The following TAOK1 variants were observed in gnomAD, a reference collection of about 807,000 sequenced individuals.
TAOK1 encodes TAO kinase 1, also known as serine/threonine-protein kinase TAO1.
In TAOK1, 21 loss-of-function variants were observed where a neutral mutation model predicts 138.3. The observed-to-expected ratio is 0.15, with a 90% CI of 0.11 to 0.22. The LOEUF (loss-of-function observed/expected upper bound fraction) is 0.22. TAOK1 is among the 10% of genes least tolerant of loss of function. TAOK1 has a pLI of 1.00. For missense variants in TAOK1, 651 were observed against 1,227.7 expected (o/e 0.53, Z 7.02); for synonymous variants, 361 against 398.4 (o/e 0.91, Z 1.12).
At chr17:29,539,655 C>T (rs2032282297) in intron 19 of TAOK1, among the ~76,000 whole-genome samples, 1 of 152,086 alleles carries the variant, frequency 6.6e-6, no homozygotes, top group African/African-American at 2.4e-5. Context: ...AGGCTGGTCT[C>T]GAACTCCCGA....
At chr17:29,493,820 C>T (rs1357720123) in intron 10 of TAOK1, among the ~76,000 whole-genome samples, 4 of 152,110 alleles carry the variant, frequency 2.6e-5, no homozygotes, top group Admixed American at 2.6e-4. Flanking sequence ...TTAGAAATAG[C>T]TGCCCCAAAT....
intron 3 of TAOK1, among the ~76,000 whole-genome samples, chr17:29,472,256 GT>G (rs36070425): frequency 1.9e-4 from 27 of 142,808 alleles, no homozygotes; most frequent in Non-Finnish European, 2.1e-4. Flanking sequence ...GCCGTTGTGT[GT>G]TTTTTTTTTT....
At chr17:29,533,594 C>T (rs1390182306) in intron 18 of TAOK1, among the ~76,000 whole-genome samples, 2 of 152,004 alleles carry the variant, frequency 1.3e-5, no homozygotes, top group Non-Finnish European at 2.9e-5. Flanking sequence ...ATCCTGGCAC[C>T]TCGGGAGGCG....
intron 1 of TAOK1, among the ~76,000 whole-genome samples, chr17:29,416,518 T>C (rs917872336): frequency 2.0e-5 from 3 of 151,970 alleles, no homozygotes; most frequent in African/African-American, 4.8e-5. Flanking sequence ...ATTGGAAATG[T>C]ATACAACAAA....
At chr17:29,400,404 A>C (rs1343464651) in intron 1 of TAOK1, among the ~76,000 whole-genome samples, 2 of 151,756 alleles carry the variant, frequency 1.3e-5, no homozygotes, top group South Asian at 2.1e-4. Flanking sequence ...AAAAAAAAAA[A>C]AAAACAACAA....
intron 2 of TAOK1, among the ~76,000 whole-genome samples, chr17:29,457,402 C>CT (rs769026325): frequency 0.052 from 3,994 of 76,594 alleles, 267 homozygotes; most frequent in African/African-American, 0.11. Flanking sequence ...CACCCCAGGC[C>CT]TTTTTTTTTT....
At chr17:29,405,734 G>A (rs917136581) in intron 1 of TAOK1, among the ~76,000 whole-genome samples, 2 of 151,958 alleles carry the variant, frequency 1.3e-5, no homozygotes, top group Non-Finnish European at 2.9e-5. Context: ...AGCCGACATC[G>A]AACCTCTCTA....
intron 10 of TAOK1, among the ~76,000 whole-genome samples, chr17:29,494,734 G>T (rs2031376893): frequency 6.6e-6 from 1 of 150,770 alleles, no homozygotes; most frequent in Non-Finnish European, 1.5e-5. Context: ...GCTGAGGCGG[G>T]AGAATGGTGT....
At chr17:29,421,218 C>T (rs537883764) in intron 1 of TAOK1, among the ~76,000 whole-genome samples, 110 of 152,258 alleles carry the variant, frequency 7.2e-4, no homozygotes, top group African/African-American at 2.5e-3. Flanking sequence ...CGTGAGCCAC[C>T]GCATCCAGCC....
At chr17:29,533,038 G>T (rs1453774293) in intron 18 of TAOK1, among the ~76,000 whole-genome samples, 2 of 97,066 alleles carry the variant, frequency 2.1e-5, no homozygotes, top group Non-Finnish European at 4.9e-5. Context: ...CCTCCCTCCC[G>T]GATGGGGTGG....
intron 1 of TAOK1, among the ~76,000 whole-genome samples, chr17:29,450,269 G>A (rs2030199185): frequency 1.3e-5 from 2 of 151,980 alleles, no homozygotes. Flanking sequence ...TAATTTTTTT[G>A]TATTGGAAGA....
chr17:29,441,747 A>G (rs1251934324), intron 1 of TAOK1, among the ~76,000 whole-genome samples: 1 of 152,036 alleles, frequency 6.6e-6, no homozygotes, highest in Non-Finnish European at 1.5e-5. Context: ...AAAAATACAA[A>G]TACTAGCTGG....
chr17:29,398,173 G>A (rs1455136765), intron 1 of TAOK1, among the ~76,000 whole-genome samples: 2 of 151,862 alleles, frequency 1.3e-5, no homozygotes, highest in African/African-American at 4.8e-5. Context: ...CAGGCCTGTG[G>A]TAACTTCTTT....
intron 11 of TAOK1, among the ~76,000 whole-genome samples, chr17:29,496,292 A>G (rs180758712): frequency 2.5e-4 from 38 of 151,744 alleles, no homozygotes; most frequent in Admixed American, 1.1e-3. Context: ...TATTTTTTGT[A>G]TTTTTAGTAG....
chr17:29,483,205 A>G (rs918114087), intron 8 of TAOK1, among the ~76,000 whole-genome samples: 1 of 152,022 alleles, frequency 6.6e-6, no homozygotes, highest in African/African-American at 2.4e-5. Context: ...AGCCTCCTGC[A>G]TAGCTGGGAC....
At chr17:29,498,689 G>A (rs557812594) in intron 12 of TAOK1, among the ~76,000 whole-genome samples, 168 bp downstream of exon 12, 63 of 152,252 alleles carry the variant, frequency 4.1e-4, no homozygotes, top group Admixed American at 1.8e-3. Context: ...AGGCCGAGGC[G>A]GGTGGATCAC....
At chr17:29,537,832 G>A (rs1172809132) in intron 19 of TAOK1, among the ~76,000 whole-genome samples, 1 of 151,954 alleles carries the variant, frequency 6.6e-6, no homozygotes, top group Non-Finnish European at 1.5e-5. Flanking sequence ...ATAGAGATAC[G>A]GCTGGGTGTG....
intron 6 of TAOK1, among the ~76,000 whole-genome samples, chr17:29,479,532 A>C (rs2031015288): frequency 1.3e-5 from 2 of 152,190 alleles, no homozygotes; most frequent in African/African-American, 4.8e-5. Flanking sequence ...CTAGTAAATA[A>C]GTGAGTGCCA....
At chr17:29,394,989 T>C (rs1455008686) in intron 1 of TAOK1, among the ~76,000 whole-genome samples, 1 of 151,368 alleles carries the variant, frequency 6.6e-6, no homozygotes, top group Non-Finnish European at 1.5e-5. Flanking sequence ...ATGCCTATAA[T>C]CCCAGCATGC....
Sources: gnomAD v4.1 joint callset for allele counts (sites outside exome capture counted in the v4.1 genomes callset) on GRCh38, gnomAD v4.1.1 for gene constraint, MANE v1.5 for transcripts, NCBI Gene and HGNC (gene_info 2026-07-23, HGNC 2026-07-21) for gene names.